ARF4: variants seen among roughly 807,000 people sequenced by gnomAD.
ARF4 encodes ARF GTPase 4.
Under a neutral mutation model 24.3 loss-of-function variants are expected in ARF4, and 5 were observed. The ratio of observed to expected loss-of-function variants is 0.21; its 90% CI spans 0.11 to 0.43. The LOEUF (loss-of-function observed/expected upper bound fraction) is 0.43. ARF4 is among the 20% of genes least tolerant of loss of function. ARF4 has a pLI of 1.00. For missense variants in ARF4, 107 were observed against 213.0 expected (o/e 0.50, Z 3.10); for synonymous variants, 62 against 73.5 (o/e 0.84, Z 0.80).
At chr3:57,575,524 T>TGATATC (rs1381617727) in intron 5 of ARF4, 24 bp downstream of exon 5, 1 of 1,600,208 alleles carries the variant, frequency 6.2e-7, no homozygotes, top group African/African-American at 1.3e-5. Context: ...GTCAAGAGGT[T>TGATATC]AATATCAACC....
intron 3 of ARF4, among the ~76,000 whole-genome samples, chr3:57,581,757 G>A (rs529972462): frequency 3.3e-5 from 5 of 152,168 alleles, no homozygotes; most frequent in Admixed American, 6.5e-5. Context: ...CCAAGATTGC[G>A]CCATAGCCTG....
intron 3 of ARF4, among the ~76,000 whole-genome samples, chr3:57,582,957 A>T (rs1433440938): frequency 1.3e-5 from 2 of 152,164 alleles, no homozygotes; most frequent in Non-Finnish European, 2.9e-5. Flanking sequence ...CCCAGGGGAT[A>T]TTTTGCAGGT....
chr3:57,586,097 G>GT (rs1406861633), intron 1 of ARF4, among the ~76,000 whole-genome samples: 3 of 152,318 alleles, frequency 2.0e-5, no homozygotes, highest in Admixed American at 6.5e-5. Context: ...TTAAATGCTT[G>GT]TAAGTATGAA....
At chr3:57,575,741 A>G (rs2069895606) in intron 4 of ARF4, 68 bp from the exon 5 acceptor site, 2 of 1,490,058 alleles carry the variant, frequency 1.3e-6, no homozygotes, top group African/African-American at 2.8e-5. Flanking sequence ...GTCTTCCTAT[A>G]TATACTTTAC....
chr3:57,580,052 C>T (rs1471970659), intron 3 of ARF4, among the ~76,000 whole-genome samples: 1 of 152,050 alleles, frequency 6.6e-6, no homozygotes, highest in African/African-American at 2.4e-5. Flanking sequence ...CTACAGTGAG[C>T]CATGATCATG....
At chr3:57,578,646 A>T (rs2069934313) in intron 3 of ARF4, among the ~76,000 whole-genome samples, 1 of 151,774 alleles carries the variant, frequency 6.6e-6, no homozygotes, top group Admixed American at 6.6e-5. Context: ...CACCTAGCTA[A>T]TTTTTCTATT....
intron 1 of ARF4, among the ~76,000 whole-genome samples, chr3:57,592,753 A>G (rs949659130): frequency 6.6e-6 from 1 of 152,132 alleles, no homozygotes; most frequent in African/African-American, 2.4e-5. Context: ...TGTTTCCTAT[A>G]TTCACATAAT....
chr3:57,585,728 T>C (rs147887037), intron 1 of ARF4, among the ~76,000 whole-genome samples: 1 of 145,576 alleles, frequency 6.9e-6, no homozygotes. Context: ...AATGGTGCAA[T>C]ATCAGCTCAC....
At chr3:57,581,541 C>T (rs577408968) in intron 3 of ARF4, among the ~76,000 whole-genome samples, 1 of 152,324 alleles carries the variant, frequency 6.6e-6, no homozygotes, top group East Asian at 1.9e-4. Flanking sequence ...TAGCTCATGC[C>T]TGTAATCCCA....
chr3:57,594,152 A>G (rs914518818), intron 1 of ARF4, among the ~76,000 whole-genome samples: 47 of 152,294 alleles, frequency 3.1e-4, no homozygotes, highest in Non-Finnish European at 5.4e-4. Flanking sequence ...GCTACTGAGG[A>G]GGCAGAGGTT....
chr3:57,595,745 T>C (rs1279626727), intron 1 of ARF4, among the ~76,000 whole-genome samples: 3 of 152,002 alleles, frequency 2.0e-5, no homozygotes, highest in Admixed American at 6.6e-5. Flanking sequence ...GGTGAGGAGT[T>C]CGAGACCAGA....
chr3:57,588,356 G>C (rs928767456), intron 1 of ARF4, among the ~76,000 whole-genome samples: 1 of 152,076 alleles, frequency 6.6e-6, no homozygotes, highest in African/African-American at 2.4e-5. Context: ...CTTGAGCCCA[G>C]GAGTTTGAAA....
At chr3:57,572,755 GT>G (rs1305262667) in intron 5 of ARF4, among the ~76,000 whole-genome samples, 1 of 152,074 alleles carries the variant, frequency 6.6e-6, no homozygotes, top group East Asian at 1.9e-4. Flanking sequence ...TTCAGTGCTG[GT>G]TTTTGGTTCC....
intron 1 of ARF4, among the ~76,000 whole-genome samples, chr3:57,591,214 T>C (rs1351491729): frequency 6.6e-6 from 1 of 152,128 alleles, no homozygotes; most frequent in Non-Finnish European, 1.5e-5. Context: ...CTCCTAAGTA[T>C]TTATCAGAGA....
At chr3:57,577,138 AT>A in intron 4 of ARF4, among the ~76,000 whole-genome samples, 177 bp downstream of exon 4, 1 of 152,072 alleles carries the variant, frequency 6.6e-6, no homozygotes, top group Non-Finnish European at 1.5e-5. Flanking sequence ...AAAACGCTCT[AT>A]AAGAGATTTT....
At position 57,590,123 on chromosome 3, in the gene ARF4, A is replaced by ATAAG. The variant is rs1304978917; in HGVS notation, c.68-5660_68-5659insCTTA. Among the ~76,000 whole-genome samples, 3 of 147,656 alleles carry ATAAG rather than the reference A, an allele frequency of 2.0e-5. No individual in the cohort carries two copies. In the East Asian group the frequency reaches 5.8e-4, roughly 29 times the overall value. ...AATAAATAAATAAATAAATAAATAA[A>ATAAG]TAAATAAATAAAACAAAAAACAAAA... On this transcript the variant is annotated intron_variant, in intron 1 of 5. Transcript: ENST00000303436.
chr3:57,572,353 G>A, intron 5 of ARF4, 55 bp from the exon 6 acceptor site: 5 of 1,297,396 alleles, frequency 3.9e-6, no homozygotes, highest in Non-Finnish European at 5.5e-6. Context: ...TATAACACCA[G>A]TGTTTAAACT....
intron 1 of ARF4, among the ~76,000 whole-genome samples, chr3:57,586,539 C>T (rs1353814059): frequency 3.9e-5 from 6 of 152,102 alleles, no homozygotes. Context: ...CCTTTTATTC[C>T]TTTGTCCTGT....
chr3:57,595,302 G>A (rs1187280184), intron 1 of ARF4, among the ~76,000 whole-genome samples: 1 of 152,120 alleles, frequency 6.6e-6, no homozygotes, highest in Non-Finnish European at 1.5e-5. Flanking sequence ...ATGTGTTCTG[G>A]AACATAACCA....
Sources: gnomAD v4.1 joint callset for allele counts (sites outside exome capture counted in the v4.1 genomes callset) on GRCh38, gnomAD v4.1.1 for gene constraint, MANE v1.5 for transcripts, NCBI Gene and HGNC (gene_info 2026-07-23, HGNC 2026-07-21) for gene names.